PKIB: variants seen among roughly 807,000 people sequenced by gnomAD.
PKIB encodes the protein PKI-beta.
Under a neutral mutation model 4.5 loss-of-function variants are expected in PKIB, and 2 were observed. The observed-to-expected ratio is 0.44, with a 90% CI of 0.18 to 1.39. The LOEUF (loss-of-function observed/expected upper bound fraction) is 1.39. PKIB is among the 40% of genes most tolerant of loss of function. The pLI is 0.27. For synonymous variants in PKIB, 38 were observed against 36.0 expected (o/e 1.06, Z -0.20); for missense variants, 94 against 92.6 (o/e 1.02, Z -0.06).
At chr6:122,581,750 C>G (rs1432919324) in intron 2 of PKIB, 1 of 151,702 alleles carries the variant, frequency 6.6e-6, no homozygotes, top group African/African-American at 2.4e-5. Flanking sequence ...ATGTCTTAAT[C>G]TCCTTTGTGG....
intron 2 of PKIB, among the ~76,000 whole-genome samples, chr6:122,515,348 AT>A (rs1478770797): frequency 6.6e-6 from 1 of 152,222 alleles, no homozygotes; most frequent in Non-Finnish European, 1.5e-5. Flanking sequence ...AGAATGAAAC[AT>A]TTTAAATGAC....
At chr6:122,668,573 T>C (rs1416866054) in intron 2 of PKIB, among the ~76,000 whole-genome samples, 1 of 152,184 alleles carries the variant, frequency 6.6e-6, no homozygotes, top group Non-Finnish European at 1.5e-5. Context: ...TTTGTCAATA[T>C]GAAGTGGACA....
At chr6:122,634,873 C>G (rs796736259) in intron 2 of PKIB, among the ~76,000 whole-genome samples, 7 of 149,062 alleles carry the variant, frequency 4.7e-5, no homozygotes, top group Admixed American at 4.0e-4. Flanking sequence ...ACCCGGGAGG[C>G]GGAGCTTGCA....
intron 2 of PKIB, among the ~76,000 whole-genome samples, chr6:122,499,831 G>A (rs557165758): frequency 6.6e-6 from 1 of 152,242 alleles, no homozygotes; most frequent in East Asian, 1.9e-4. Context: ...TTCACCAAAA[G>A]CCTCCTAGAA....
In PKIB at chr6:122,576,689, A is replaced by AAAATATATATAT. The variant is rs1345822382; in HGVS notation, c.-247-9231_-247-9230insAATATATATATA. Among the ~76,000 whole-genome samples the AAAATATATATAT allele has an allele frequency of 2.7e-3, 94 of 34,296 alleles. 1 individual carries two copies. The highest frequency in any genetic ancestry group is 3.1e-3 in the Non-Finnish European group (66 of 21,448). The allele number at this position is 34,296 out of a possible 152,430, so 22.5% of individuals were successfully genotyped here. A position where few individuals can be genotyped will look rare whatever the true frequency, so the allele number is the denominator to read the frequency against. The stretch of plus-strand genomic sequence containing the variant: ...ATCTCAAAAAAAAAAAAAAAAAAAA[A>AAAATATATATAT]ATATATATATATATATATATATTTT... On this transcript the variant is annotated intron_variant, in intron 2 of 6. Coordinates refer to the PKIB transcript ENST00000392491.
chr6:122,623,688 A>C (rs1775324559), intron 1 of PKIB, among the ~76,000 whole-genome samples: 2 of 152,168 alleles, frequency 1.3e-5, no homozygotes, highest in Admixed American at 6.6e-5. Context: ...ATTTCCCTCA[A>C]GCCTTGCACC....
At chr6:122,699,281 T>A (rs199725520) in intron 3 of PKIB, among the ~76,000 whole-genome samples, 4 of 150,454 alleles carry the variant, frequency 2.7e-5, no homozygotes, top group Non-Finnish European at 4.4e-5. Flanking sequence ...ATTTGTGAAC[T>A]AAAATATATA....
chr6:122,503,442 C>T (rs1243325217), intron 2 of PKIB, among the ~76,000 whole-genome samples: 2 of 152,182 alleles, frequency 1.3e-5, no homozygotes, highest in Non-Finnish European at 2.9e-5. Context: ...AAACTCAATT[C>T]AAACTGGCTT....
chr6:122,658,630 T>G (rs1296722428), intron 2 of PKIB, among the ~76,000 whole-genome samples: 1 of 151,828 alleles, frequency 6.6e-6, no homozygotes, highest in Non-Finnish European at 1.5e-5. Flanking sequence ...CAAGCTTGAT[T>G]TTTCCTTATT....
chr6:122,715,744 A>G (rs1014745890), intron 3 of PKIB, among the ~76,000 whole-genome samples: 1 of 151,730 alleles, frequency 6.6e-6, no homozygotes, highest in Non-Finnish European at 1.5e-5. Flanking sequence ...TGTTTTCTCT[A>G]TATAAAAATA....
intron 1 of PKIB, among the ~76,000 whole-genome samples, chr6:122,623,539 G>GT (rs1373915721): frequency 1.3e-5 from 2 of 152,110 alleles, no homozygotes. Flanking sequence ...GCCTTGGGCT[G>GT]TAACTGTTTG....
intron 2 of PKIB, among the ~76,000 whole-genome samples, chr6:122,534,823 G>A (rs1777358910): frequency 6.6e-6 from 1 of 152,202 alleles, no homozygotes; most frequent in South Asian, 2.1e-4. Context: ...TTCAGGAAGG[G>A]TAACTTTGAA....
intron 3 of PKIB, among the ~76,000 whole-genome samples, chr6:122,691,200 C>A (rs886873313): frequency 6.6e-5 from 10 of 151,870 alleles, no homozygotes; most frequent in African/African-American, 2.4e-4. Context: ...TATTCTATAA[C>A]CTTCCTGTAC....
chr6:122,633,719 T>C (rs1165137227), intron 2 of PKIB, among the ~76,000 whole-genome samples: 1 of 152,152 alleles, frequency 6.6e-6, no homozygotes, highest in Non-Finnish European at 1.5e-5. Context: ...TTATAGCCTT[T>C]AAAATAGAAG....
At position 122,610,485 on chromosome 6, in the gene PKIB, G is replaced by A. The variant is rs1774703934; in HGVS notation, c.-211G>A. 6.6e-6 allele frequency: 1 copy of A among 152,582 alleles called. No homozygotes were observed. The highest frequency in any genetic ancestry group is 6.5e-5 in the Admixed American group (1 of 15,288). 9.5% of individuals were successfully genotyped at this position (152,582 alleles called of 1,614,324 possible). A position where few individuals can be genotyped will look rare whatever the true frequency, so the allele number is the denominator to read the frequency against. ...CGCAGCTCCGGGCCGCAGAGCGCTGGGCGAGCGCGAGCGCCAGGGCACCGG... is the reference window on the plus strand; with the variant it reads ...CGCAGCTCCGGGCCGCAGAGCGCTGAGCGAGCGCGAGCGCCAGGGCACCGG... On this transcript the variant is annotated 5_prime_UTR_variant, in exon 1 of 5. Transcript: ENST00000368452.
At chr6:122,615,846 A>G (rs1053437053) in intron 1 of PKIB, among the ~76,000 whole-genome samples, 1 of 152,140 alleles carries the variant, frequency 6.6e-6, no homozygotes, top group Non-Finnish European at 1.5e-5. Flanking sequence ...CATAAAACAG[A>G]TTTCCCCTCT....
intron 2 of PKIB, chr6:122,652,915 T>G (rs1776620274): frequency 6.6e-6 from 1 of 152,300 alleles, no homozygotes; most frequent in South Asian, 2.1e-4. Context: ...CAACAGATTT[T>G]TGTTCATTCT....
Position 122,622,100 on chromosome 6 carries a change from G to C in PKIB, c.-160-11183G>C, listed in dbSNP as rs184282793. Among the ~76,000 whole-genome samples the C allele has an allele frequency of 5.3e-5, 8 of 152,170 alleles. No individual in the cohort carries two copies. In the East Asian group the frequency reaches 1.5e-3, roughly 29 times the overall value. ...TGGGTTTAACTGTGGATAATTGAAG[G>C]CCCTTCCTAGAAATTGCTGTACTTA... On this transcript the variant is annotated intron_variant, in intron 1 of 4. Transcript: ENST00000368452.
intron 2 of PKIB, among the ~76,000 whole-genome samples, chr6:122,649,841 C>T (rs886656970): frequency 1.3e-5 from 2 of 152,150 alleles, no homozygotes; most frequent in African/African-American, 4.8e-5. Flanking sequence ...AGAGTTTGCA[C>T]TGTGATTCAC....
Sources: allele counts gnomAD v4.1 joint callset (sites outside exome capture counted in the v4.1 genomes callset), GRCh38; gene constraint gnomAD v4.1.1; transcripts MANE v1.5; gene names NCBI Gene and HGNC (gene_info 2026-07-23, HGNC 2026-07-21).